CSMD1: variants seen among roughly 807,000 people sequenced by gnomAD.
The protein encoded by CSMD1 is CUB and sushi domain-containing protein 1.
In CSMD1, 213 loss-of-function variants were observed where a neutral mutation model predicts 417.5. The ratio of observed to expected loss-of-function variants is 0.51; its 90% CI spans 0.46 to 0.57. The LOEUF (loss-of-function observed/expected upper bound fraction) is 0.57. Ranked by LOEUF, CSMD1 falls within the 20% of genes least tolerant of loss-of-function variation. The pLI is 0.00. For missense variants in CSMD1, 6,923 were observed against 4,529.7 expected, an observed-to-expected ratio of 1.53 and a Z score of -15.17; for synonymous variants, 2,862 against 1,736.8, an observed-to-expected ratio of 1.65 and a Z score of -16.11.
intron 46 of CSMD1, among the ~76,000 whole-genome samples, chr8:3,099,330 A>T (rs1030969882): frequency 6.6e-6 from 1 of 152,120 alleles, no homozygotes; most frequent in Non-Finnish European, 1.5e-5. Context: ...GTTAACCAAC[A>T]AACAACCCCA....
intron 3 of CSMD1, among the ~76,000 whole-genome samples, chr8:4,350,181 T>G (rs1424378281): frequency 6.6e-6 from 1 of 152,162 alleles, no homozygotes; most frequent in Non-Finnish European, 1.5e-5. Flanking sequence ...AAGCCTTCTC[T>G]TCTTTTTGCT....
intron 7 of CSMD1, among the ~76,000 whole-genome samples, chr8:3,685,238 C>G (rs1799888014): frequency 6.6e-6 from 1 of 152,160 alleles, no homozygotes; most frequent in Non-Finnish European, 1.5e-5. Flanking sequence ...AAAATAGTGA[C>G]TATAAAATAA....
chr8:4,711,474 G>A (rs978345121), intron 1 of CSMD1, among the ~76,000 whole-genome samples: 3 of 151,666 alleles, frequency 2.0e-5, no homozygotes, highest in Non-Finnish European at 4.4e-5. Context: ...TTTTATTTTT[G>A]TAAAGCAAAA....
intron 2 of CSMD1, among the ~76,000 whole-genome samples, chr8:4,489,147 G>C (rs1295465874): frequency 6.6e-6 from 1 of 152,088 alleles, no homozygotes; most frequent in Admixed American, 6.5e-5. Flanking sequence ...CCTGACCTCA[G>C]GTGATCTACC....
Position 4,733,722 on chromosome 8 carries a change from T to C in CSMD1, c.86-96164A>G, listed in dbSNP as rs534530737. Among the ~76,000 whole-genome samples the C allele has an allele frequency of 1.4e-3, 213 of 152,306 alleles. 7 individuals are homozygous for C. In the South Asian group the frequency reaches 0.041, roughly 29 times the overall value. On this transcript the variant is annotated intron_variant, in intron 1 of 69. Coordinates refer to ENST00000635120, the MANE Select transcript of CSMD1 (RefSeq NM_033225.6). Reference sequence around the variant, plus strand: ...TCCTATCTATGACTTAACAAAGAAGTATGTAGGAACCCATGAAAGTAAAAC... The same window carrying C: ...TCCTATCTATGACTTAACAAAGAAGCATGTAGGAACCCATGAAAGTAAAAC...
intron 12 of CSMD1, among the ~76,000 whole-genome samples, chr8:3,439,692 A>G (rs1814843475): frequency 6.6e-6 from 1 of 152,144 alleles, no homozygotes; most frequent in African/African-American, 2.4e-5. Flanking sequence ...ATTCCAATTG[A>G]TGAATTATGT....
rs190105115 is a variant in CSMD1, at chr8:3,878,175, G to A, written c.818+119728C>T. 7.9e-5 allele frequency among the ~76,000 whole-genome samples: 12 copies of A among 152,140 alleles called. No individual in the cohort carries two copies. The East Asian group carries it at 2.1e-3, about 27-fold the overall frequency. ...CATTTTTTGCACGAGAGATTCAAAT[G>A]GAGAATTCCAAATTTTGTAGTTCAG... On this transcript the variant is annotated intron_variant, in intron 5 of 69. Coordinates refer to ENST00000635120, the MANE Select transcript of CSMD1 (RefSeq NM_033225.6).
At chr8:3,412,583 A>C (rs1812881274) in intron 12 of CSMD1, among the ~76,000 whole-genome samples, 1 of 152,200 alleles carries the variant, frequency 6.6e-6, no homozygotes, top group South Asian at 2.1e-4. Context: ...TCTGTGAAGC[A>C]GAAGAGCACA....
At chr8:3,966,787 CTTAGA>C (rs1812707682) in intron 5 of CSMD1, among the ~76,000 whole-genome samples, 1 of 151,820 alleles carries the variant, frequency 6.6e-6, no homozygotes, top group African/African-American at 2.4e-5. Flanking sequence ...ATTTATAGGT[CTTAGA>C]TTAAATCCCA....
intron 5 of CSMD1, among the ~76,000 whole-genome samples, chr8:3,981,456 T>C (rs1310924320): frequency 1.4e-5 from 2 of 140,738 alleles, no homozygotes; most frequent in Admixed American, 7.9e-5. Flanking sequence ...AACTTACTCA[T>C]GTATCCAAAT....
At chr8:3,866,515 T>C (rs958369394) in intron 5 of CSMD1, among the ~76,000 whole-genome samples, 3 of 152,232 alleles carry the variant, frequency 2.0e-5, no homozygotes, top group African/African-American at 7.2e-5. Context: ...TGGTAAAGCA[T>C]CATGATCTAA....
chr8:4,379,355 C>T (rs923610103), intron 3 of CSMD1, among the ~76,000 whole-genome samples: 1 of 152,106 alleles, frequency 6.6e-6, no homozygotes, highest in African/African-American at 2.4e-5. Context: ...ATTCAGGAGA[C>T]AGGAGGAATA....
intron 46 of CSMD1, among the ~76,000 whole-genome samples, chr8:3,100,055 T>TTGTC (rs937480717): frequency 1.6e-4 from 11 of 69,738 alleles, no homozygotes; most frequent in Admixed American, 1.1e-3. Flanking sequence ...TTTAACTTGT[T>TTGTC]TGTTTGTTTG....
intron 3 of CSMD1, among the ~76,000 whole-genome samples, chr8:4,191,954 C>T (rs976137659): frequency 4.6e-5 from 7 of 152,188 alleles, no homozygotes; most frequent in Non-Finnish European, 4.4e-5. Context: ...ACTGCACCCA[C>T]AGGCAAAACA....
At chr8:3,543,793 G>A (rs1445746506) in intron 10 of CSMD1, among the ~76,000 whole-genome samples, 1 of 152,192 alleles carries the variant, frequency 6.6e-6, no homozygotes, top group African/African-American at 2.4e-5. Flanking sequence ...ACTGTTTGCA[G>A]TCTGAGTTCA....
chr8:3,114,132 C>T (rs1404701121), intron 42 of CSMD1, among the ~76,000 whole-genome samples: 1 of 152,044 alleles, frequency 6.6e-6, no homozygotes, highest in Non-Finnish European at 1.5e-5. Flanking sequence ...TGGTCCTAGC[C>T]ACTTGGGAGG....
chr8:4,116,671 G>A (rs914815611), intron 3 of CSMD1, among the ~76,000 whole-genome samples: 1 of 151,426 alleles, frequency 6.6e-6, no homozygotes, highest in Non-Finnish European at 1.5e-5. Context: ...CGACGGCGAT[G>A]TACGAGTGCA....
rs148687286 is a variant in CSMD1 at position 4,657,110 on chromosome 8, T to C, written c.86-19552A>G. Among the ~76,000 whole-genome samples the C allele has an allele frequency of 2.1e-3, 320 of 152,192 alleles. 4 individuals carry two copies. Among genetic ancestry groups the C allele is most frequent in the African/African-American group, 7.5e-3 (311 of 41,534 alleles). ...AGCTAGGCACAGATTTTCTCTGGGA[T>C]ATAAAAGCATCCAAAACATCCCTGC... On this transcript the variant is annotated intron_variant, in intron 1 of 69. Transcript: ENST00000635120.
At chr8:4,682,692 G>A (rs572919324) in intron 1 of CSMD1, among the ~76,000 whole-genome samples, 1 of 151,642 alleles carries the variant, frequency 6.6e-6, no homozygotes, top group African/African-American at 2.4e-5. Context: ...TTCTTACCTT[G>A]GAAAAATGAT....
Sources: gnomAD v4.1 joint callset for allele counts (sites outside exome capture counted in the v4.1 genomes callset) on GRCh38, gnomAD v4.1.1 for gene constraint, MANE v1.5 for transcripts, NCBI Gene and HGNC (gene_info 2026-07-23, HGNC 2026-07-21) for gene names.